AGMO: variants seen among roughly 807,000 people sequenced by gnomAD.
The protein encoded by AGMO is alkylglycerol monooxygenase, also known as glyceryl-ether monooxygenase.
A neutral mutation model predicts 60.2 loss-of-function variants in AGMO; 75 were observed. That is an observed-to-expected ratio of 1.25 (90% CI 1.03 to 1.51). AGMO has a LOEUF of 1.51. Ranked by LOEUF, AGMO falls within the 40% of genes most tolerant of loss-of-function variation. The probability of loss-of-function intolerance (pLI) is 0.00; values close to 1 mark genes in which losing one functional copy is unlikely to be tolerated. For missense variants in AGMO, 763 were observed against 525.5 expected, an observed-to-expected ratio of 1.45 and a Z score of -4.42; for synonymous variants, 261 against 177.1, an observed-to-expected ratio of 1.47 and a Z score of -3.76.
chr7:15,451,527 T>C (rs900604025), intron 3 of AGMO, among the ~76,000 whole-genome samples: 1 of 152,186 alleles, frequency 6.6e-6, no homozygotes, highest in Non-Finnish European at 1.5e-5. Context: ...GCTTGCTCAC[T>C]GTATTCTTAC....
intron 3 of AGMO, among the ~76,000 whole-genome samples, chr7:15,534,598 C>T (rs982585684): frequency 3.3e-5 from 5 of 151,804 alleles, no homozygotes; most frequent in African/African-American, 1.2e-4. Flanking sequence ...CCTGTAGAGG[C>T]ATCTTATTAA....
the AGMO span, among the ~76,000 whole-genome samples, chr7:15,121,022 T>A: frequency 6.6e-6 from 1 of 152,042 alleles, no homozygotes; most frequent in Non-Finnish European, 1.5e-5. Context: ...CCTCCCTGAG[T>A]CCATGTGTTC....
the AGMO span, among the ~76,000 whole-genome samples, chr7:15,156,766 T>G: frequency 1.7e-4 from 26 of 152,152 alleles, no homozygotes; most frequent in Non-Finnish European, 2.9e-4. Flanking sequence ...GTGCCTTCTT[T>G]CCAAAGATCT....
intron 12 of AGMO, among the ~76,000 whole-genome samples, chr7:15,282,370 T>C (rs1002822825): frequency 1.3e-5 from 2 of 152,008 alleles, no homozygotes; most frequent in Non-Finnish European, 2.9e-5. Flanking sequence ...GAGATAGATA[T>C]TTTACAGAAA....
At chr7:15,372,480 T>C (rs1362744323) in intron 10 of AGMO, among the ~76,000 whole-genome samples, 1 of 152,088 alleles carries the variant, frequency 6.6e-6, no homozygotes, top group African/African-American at 2.4e-5. Flanking sequence ...AAATAAATTC[T>C]ACAAATTCAT....
intron 5 of AGMO, among the ~76,000 whole-genome samples, chr7:15,397,006 G>A (rs529392145): frequency 6.6e-6 from 1 of 152,252 alleles, no homozygotes; most frequent in Admixed American, 6.5e-5. Flanking sequence ...GCTGATTGGT[G>A]CGTTTACAAT....
chr7:15,473,030 C>T (rs1306302722), intron 3 of AGMO, among the ~76,000 whole-genome samples: 1 of 151,728 alleles, frequency 6.6e-6, no homozygotes, highest in Non-Finnish European at 1.5e-5. Flanking sequence ...CAAGAAATAT[C>T]AACAATTCAT....
At chr7:15,204,908 G>T (rs1781402326) in intron 12 of AGMO, among the ~76,000 whole-genome samples, 1 of 152,090 alleles carries the variant, frequency 6.6e-6, no homozygotes, top group Non-Finnish European at 1.5e-5. Context: ...GCCCAAACTG[G>T]ACTCGAACTC....
chr7:15,357,736 G>C (rs1169417875), intron 12 of AGMO, among the ~76,000 whole-genome samples: 1 of 152,212 alleles, frequency 6.6e-6, no homozygotes, highest in Non-Finnish European at 1.5e-5. Flanking sequence ...GACAGCCAGA[G>C]AGAAGTCTTT....
intron 8 of AGMO, among the ~76,000 whole-genome samples, chr7:15,390,388 A>G (rs1400796449): frequency 1.3e-5 from 2 of 152,200 alleles, no homozygotes; most frequent in African/African-American, 2.4e-5. Context: ...ATACATGAAC[A>G]TATTTCAGGT....
chr7:15,258,723 T>C (rs1351867783), intron 12 of AGMO, among the ~76,000 whole-genome samples: 1 of 152,088 alleles, frequency 6.6e-6, no homozygotes, highest in African/African-American at 2.4e-5. Flanking sequence ...AGGACTGCAA[T>C]ATCTAAAGAC....
downstream of AGMO, among the ~76,000 whole-genome samples, chr7:15,199,041 G>T (rs10224701): frequency 0.46 from 69,881 of 152,036 alleles, 17,741 homozygotes; most frequent in African/African-American, 0.7. Context: ...TGTTTCAAAG[G>T]CAAACTATAA....
intron 10 of AGMO, among the ~76,000 whole-genome samples, chr7:15,369,894 TATTTC>T (rs1458365010): frequency 1.3e-5 from 2 of 152,202 alleles, no homozygotes; most frequent in Non-Finnish European, 2.9e-5. Context: ...AAACTGAATC[TATTTC>T]ATTTTTTACA....
chr7:15,259,740 T>C (rs948797890), intron 12 of AGMO, among the ~76,000 whole-genome samples: 3 of 151,706 alleles, frequency 2.0e-5, no homozygotes, highest in Non-Finnish European at 4.4e-5. Flanking sequence ...TAGAAGGGAT[T>C]TGGGTCCTAT....
chr7:15,197,002 G>A (rs1161313068), downstream of AGMO, among the ~76,000 whole-genome samples: 2 of 151,828 alleles, frequency 1.3e-5, no homozygotes, highest in African/African-American at 4.8e-5. Context: ...TGGCAGAACT[G>A]GAGTGAGATT....
chr7:15,556,346 T>G (rs959957042), intron 2 of AGMO, among the ~76,000 whole-genome samples: 3 of 151,180 alleles, frequency 2.0e-5, no homozygotes, highest in African/African-American at 7.3e-5. Flanking sequence ...AGCTCCATAG[T>G]AAAAATTGGC....
At chr7:15,164,353 C>T in the AGMO span, among the ~76,000 whole-genome samples, 1 of 151,914 alleles carries the variant, frequency 6.6e-6, no homozygotes, top group Non-Finnish European at 1.5e-5. Flanking sequence ...TGACTAAAAT[C>T]CCCAAATCAC....
At chr7:15,457,994 A>G (rs1367359799) in intron 3 of AGMO, among the ~76,000 whole-genome samples, 1 of 152,220 alleles carries the variant, frequency 6.6e-6, no homozygotes, top group Non-Finnish European at 1.5e-5. Flanking sequence ...ACTAGGAAGC[A>G]AAAAAGAGAT....
At chr7:15,312,917 C>T (rs1780809512) in intron 12 of AGMO, among the ~76,000 whole-genome samples, 1 of 152,108 alleles carries the variant, frequency 6.6e-6, no homozygotes, top group African/African-American at 2.4e-5. Context: ...AGTCCACCCA[C>T]CTCGGCCTCC....
Sources: gnomAD v4.1 joint callset for allele counts (sites outside exome capture counted in the v4.1 genomes callset) on GRCh38, gnomAD v4.1.1 for gene constraint, MANE v1.5 for transcripts, NCBI Gene and HGNC (gene_info 2026-07-23, HGNC 2026-07-21) for gene names.